The following TPH1 variants were observed in gnomAD, a reference collection of about 807,000 sequenced individuals.
TPH1 encodes the protein tryptophan hydroxylase 1.
A neutral mutation model predicts 49.5 loss-of-function variants in TPH1; 37 were observed. The observed-to-expected ratio is 0.75, with a 90% CI of 0.58 to 0.98. The LOEUF (loss-of-function observed/expected upper bound fraction) is 0.98, where lower values mean the gene tolerates loss of function less well. Ranked by LOEUF, TPH1 falls within the 50% of genes least tolerant of loss-of-function variation. TPH1 has a pLI of 0.00. For synonymous variants in TPH1, 160 were observed against 182.1 expected, an observed-to-expected ratio of 0.88 and a Z score of 0.98; for missense variants, 487 against 523.6, an observed-to-expected ratio of 0.93 and a Z score of 0.68.
rs764562976 is a variant in TPH1, at chr11:18,033,369, C to A, written c.307G>T (p.Glu103Ter). ...TTCTTTGGAAACCAAGGAACAGTTT[C>A]CATACCTGTAAAATTTAAAATAAAA... ...DNFTLKEDGM[E>*]TVPWFPKKIS... Residue 103 changes from glutamate (E) to a stop codon, truncating the protein, a stop_gained, in exon 4 of 11, where the codon GAA becomes TAA. Coordinates refer to ENST00000682019, the MANE Select transcript of TPH1 (RefSeq NM_004179.3). LOFTEE classifies it high-confidence loss of function. 1.2e-6 allele frequency: 2 copies of A among 1,608,692 alleles called. No individual in the cohort carries two copies. The highest frequency in any genetic ancestry group is 1.7e-5 in the Admixed American group (1 of 59,986).
intron 1 of TPH1, chr11:18,042,318 T>C: frequency 2.2e-6 from 1 of 452,174 alleles, no homozygotes; most frequent in Non-Finnish European, 4.4e-6. Context: ...ATAAGCATTC[T>C]CAAAATGTTT....
intron 4 of TPH1, among the ~76,000 whole-genome samples, chr11:18,032,539 T>TC (rs1848001341): frequency 2.7e-5 from 2 of 74,974 alleles, no homozygotes; most frequent in South Asian, 8.2e-4. Context: ...GTTGAAATCT[T>TC]TTTTTTTTTT....
chr11:18,040,611 G>A (rs767610725), intron 2 of TPH1, 35 bp downstream of exon 2: 55 of 1,588,298 alleles, frequency 3.5e-5, no homozygotes, highest in Non-Finnish European at 4.6e-5. Flanking sequence ...TTCATTTCTA[G>A]AAGAATTCTG....
chr11:18,031,199 T>C (rs1432574955), intron 4 of TPH1, among the ~76,000 whole-genome samples: 3 of 152,216 alleles, frequency 2.0e-5, no homozygotes, highest in African/African-American at 7.2e-5. Flanking sequence ...AGACATTTCA[T>C]ATAAAAGGAA....
chr11:18,025,504 G>A (rs2134026454), intron 8 of TPH1, 71 bp downstream of exon 8: 1 of 1,601,726 alleles, frequency 6.2e-7, no homozygotes, highest in East Asian at 2.2e-5. Context: ...TTCTGAATAT[G>A]TACTTTTAAA....
chr11:18,037,326 C>G (rs973459547), intron 2 of TPH1, among the ~76,000 whole-genome samples: 28 of 150,292 alleles, frequency 1.9e-4, no homozygotes, highest in African/African-American at 6.4e-4. Context: ...CCACTGCACT[C>G]CAGCCTGGGT....
intron 8 of TPH1, 81 bp downstream of exon 8, chr11:18,025,494 T>C (rs1565235290): frequency 6.3e-6 from 10 of 1,595,460 alleles, no homozygotes; most frequent in Non-Finnish European, 8.6e-6. Context: ...CTAATGGTCA[T>C]TCTGAATATG....
chr11:18,034,532 G>A (rs1314381867), intron 3 of TPH1, among the ~76,000 whole-genome samples: 3 of 152,194 alleles, frequency 2.0e-5, no homozygotes, highest in African/African-American at 7.2e-5. Flanking sequence ...GAGCAACAGA[G>A]GCTTCAGGCA....
At chr11:18,033,826 G>A (rs952633102) in intron 3 of TPH1, among the ~76,000 whole-genome samples, 2 of 152,086 alleles carry the variant, frequency 1.3e-5, no homozygotes, top group Non-Finnish European at 2.9e-5. Flanking sequence ...CCTCAGACAC[G>A]CAAGCCCTCA....
intron 1 of TPH1, chr11:18,042,393 T>C (rs565050044): frequency 4.4e-6 from 2 of 454,690 alleles, no homozygotes; most frequent in Non-Finnish European, 4.4e-6. Context: ...AGATTGACTT[T>C]TCTTATCAAA....
rs1377443046 is a variant in TPH1 at position 18,025,689 on chromosome 11, A to G, written c.816T>C (p.His272=). 1.2e-6 allele frequency: 2 copies of G among 1,613,872 alleles called. No homozygotes were observed. The highest frequency in any genetic ancestry group is 4.5e-5 in the East Asian group (2 of 44,894). Residue 272 remains histidine (H), a synonymous_variant, in exon 8 of 11, where the codon CAT becomes CAC. Transcript: ENST00000682019. ...AAAGCGGGACATGACCTAAGAGTTC[A>G]TGGCAGGTATCTCTGAAAGAGAGGT... ...PFYTPEPDTC[H]ELLGHVPLLA... is the part of the protein sequence containing the mutation.
intron 5 of TPH1, 48 bp downstream of exon 5, chr11:18,029,459 ATTCAC>A: frequency 6.4e-7 from 1 of 1,551,300 alleles, no homozygotes; most frequent in Non-Finnish European, 8.9e-7. Flanking sequence ...AATTTATTCT[ATTCAC>A]TTATTTTATT....
At chr11:18,035,895 T>C (rs1236029155) in intron 3 of TPH1, 64 bp downstream of exon 3, 5 of 1,346,402 alleles carry the variant, frequency 3.7e-6, no homozygotes, top group East Asian at 2.3e-5. Flanking sequence ...TCAAGATAAA[T>C]ATAAGGCTGG....
intron 7 of TPH1, among the ~76,000 whole-genome samples, chr11:18,026,285 CAATT>C (rs1193645483): frequency 6.8e-6 from 1 of 147,174 alleles, no homozygotes; most frequent in Non-Finnish European, 1.5e-5. Flanking sequence ...AATAGGTTGT[CAATT>C]AATAATCATA....
chr11:18,041,030 C>G, intron 1 of TPH1: 1 of 339,228 alleles, frequency 2.9e-6, no homozygotes, highest in Admixed American at 4.6e-5. Flanking sequence ...CTAAACCAAT[C>G]GCTCTTTTAG....
rs1415395042 is a variant in TPH1 at position 18,019,549 on chromosome 11, G to C, written c.*1442C>G. ...GCCTAAATTATGAGACATCTACATAGACATCCAGGAGTTCGTTGGAATTAA... is the reference window on the plus strand; with the variant it reads ...GCCTAAATTATGAGACATCTACATACACATCCAGGAGTTCGTTGGAATTAA... On this transcript the variant is annotated 3_prime_UTR_variant, in exon 11 of 11. Coordinates refer to ENST00000682019, the MANE Select transcript of TPH1 (RefSeq NM_004179.3). 6 of 431,252 alleles carry C rather than the reference G, an allele frequency of 1.4e-5. No homozygotes were observed. Among genetic ancestry groups the C allele is most frequent in the Admixed American group, 2.5e-5 (1 of 39,390 alleles). 26.7% of individuals were successfully genotyped at this position (431,252 alleles called of 1,614,324 possible).
intron 2 of TPH1, among the ~76,000 whole-genome samples, chr11:18,038,710 A>G (rs1564859751): frequency 6.6e-6 from 1 of 152,194 alleles, no homozygotes; most frequent in Admixed American, 6.5e-5. Flanking sequence ...ATGGAGCAAA[A>G]CACTACTTTT....
chr11:18,042,105 C>T (rs1387107150), intron 1 of TPH1, among the ~76,000 whole-genome samples: 1 of 151,940 alleles, frequency 6.6e-6, no homozygotes, highest in African/African-American at 2.4e-5. Context: ...TGATCAATAT[C>T]CCATGTGCTT....
chr11:18,027,102 G>A (rs1285515397), intron 6 of TPH1, among the ~76,000 whole-genome samples: 1 of 152,186 alleles, frequency 6.6e-6, no homozygotes, highest in Non-Finnish European at 1.5e-5. Flanking sequence ...TTTTTAGCCA[G>A]TACCATCTCT....
Sources: allele counts gnomAD v4.1 joint callset (sites outside exome capture counted in the v4.1 genomes callset), GRCh38; gene constraint gnomAD v4.1.1; transcripts MANE v1.5; gene names NCBI Gene and HGNC (gene_info 2026-07-23, HGNC 2026-07-21).